RSF1: variants seen among roughly 807,000 people sequenced by gnomAD.
RSF1 encodes the protein remodeling and spacing factor 1.
RSF1 carries 13 observed loss-of-function variants against 145.2 expected under a neutral mutation model. That is an observed-to-expected ratio of 0.09 (90% confidence interval 0.06 to 0.14). The LOEUF (loss-of-function observed/expected upper bound fraction) is 0.14, where lower values mean the gene tolerates loss of function less well. Ranked by LOEUF, RSF1 falls within the 10% of genes least tolerant of loss-of-function variation. The pLI, the probability that RSF1 is intolerant of heterozygous loss-of-function variation, is 1.00. For synonymous variants in RSF1, 577 were observed against 592.6 expected (o/e 0.97, Z 0.38); for missense variants, 1,517 against 1,718.2 (o/e 0.88, Z 2.07).
chr11:77,864,767 C>T, the RSF1 span, among the ~76,000 whole-genome samples: 1 of 152,152 alleles, frequency 6.6e-6, no homozygotes, highest in South Asian at 2.1e-4. Flanking sequence ...TTGTTTGAGC[C>T]TAGGAGTTCA....
chr11:77,765,527 T>C (rs942194432), intron 1 of RSF1, among the ~76,000 whole-genome samples: 3 of 152,186 alleles, frequency 2.0e-5, no homozygotes, highest in African/African-American at 7.2e-5. Flanking sequence ...GACAACTTCC[T>C]CTCCTGATTC....
chr11:77,698,837 T>C (rs975179674), intron 6 of RSF1, 144 bp from the exon 7 acceptor site: 23 of 669,996 alleles, frequency 3.4e-5, no homozygotes, highest in Admixed American at 1.8e-4. Flanking sequence ...TCATCAGATA[T>C]AGCTATGGTT....
At position 77,672,195 on chromosome 11, in the gene RSF1, CAAAATCATCACT is replaced by C. The variant is rs750556144; in HGVS notation, c.3586_3597del (p.Ser1196_Phe1199del). 445 of 1,609,282 alleles carry C rather than the reference CAAAATCATCACT, an allele frequency of 2.8e-4. 1 individual carries two copies. The highest frequency in any genetic ancestry group is 1.7e-4 in the Middle Eastern group (1 of 6,044). On this transcript the variant is annotated inframe_deletion, in exon 15 of 16. Coordinates refer to ENST00000308488, the MANE Select transcript of RSF1 (RefSeq NM_016578.4). Reference sequence around the variant, plus strand: ...CTTGACCGCCTTCGCCGAGTTTCTACAAAATCATCACTAAAATCATCACTGAAGTCACTTTCT... The same window carrying C: ...CTTGACCGCCTTCGCCGAGTTTCTACAAAATCATCACTGAAGTCACTTTCT...
intron 4 of RSF1, among the ~76,000 whole-genome samples, chr11:77,734,281 T>C (rs531062559): frequency 1.4e-5 from 2 of 147,502 alleles, no homozygotes; most frequent in South Asian, 2.1e-4. Context: ...CTAATACATA[T>C]ATTTATATTA....
At chr11:77,687,699 C>T (rs1292871373) in intron 9 of RSF1, among the ~76,000 whole-genome samples, 1 of 151,260 alleles carries the variant, frequency 6.6e-6, no homozygotes, top group African/African-American at 2.4e-5. Context: ...GACTCTGTCT[C>T]CAAAAAATAA....
chr11:77,796,526 T>C (rs910743225), intron 1 of RSF1, among the ~76,000 whole-genome samples: 2 of 152,106 alleles, frequency 1.3e-5, no homozygotes, highest in Non-Finnish European at 2.9e-5. Context: ...ATAATAGCTA[T>C]TTATGACAAA....
At chr11:77,852,224 C>CAAAAAAAAAAAAAAAA in the RSF1 span, among the ~76,000 whole-genome samples, 686 of 33,316 alleles carry the variant, frequency 0.021, 79 homozygotes, top group Non-Finnish European at 0.022. Context: ...GACACTGTCT[C>CAAAAAAAAAAAAAAAA]AAAAAAAAAA....
At chr11:77,818,278 A>T (rs1420509392) in intron 1 of RSF1, among the ~76,000 whole-genome samples, 1 of 152,200 alleles carries the variant, frequency 6.6e-6, no homozygotes, top group Non-Finnish European at 1.5e-5. Flanking sequence ...ATGTAGATTC[A>T]AGCAATCTCA....
At chr11:77,740,623 C>T (rs1020577357) in intron 4 of RSF1, 108 bp downstream of exon 4, 1 of 972,268 alleles carries the variant, frequency 1.0e-6, no homozygotes, top group Non-Finnish European at 1.6e-6. Flanking sequence ...ACTCCCAAAA[C>T]TCACACACAA....
the RSF1 span, among the ~76,000 whole-genome samples, chr11:77,832,196 C>T: frequency 1.3e-5 from 2 of 152,024 alleles, no homozygotes; most frequent in African/African-American, 4.8e-5. Context: ...ACTGTACTTA[C>T]AATTATAGGT....
intron 6 of RSF1, among the ~76,000 whole-genome samples, chr11:77,699,525 T>C (rs1405238039): frequency 1.3e-5 from 2 of 152,210 alleles, no homozygotes; most frequent in Non-Finnish European, 1.5e-5. Context: ...CTTTTGATTA[T>C]GATAAATTCC....
intron 1 of RSF1, among the ~76,000 whole-genome samples, chr11:77,781,489 C>T (rs1217632492): frequency 6.6e-6 from 1 of 152,190 alleles, no homozygotes; most frequent in African/African-American, 2.4e-5. Context: ...CTTGAGTAGA[C>T]AGCAGTGGAG....
intron 1 of RSF1, among the ~76,000 whole-genome samples, chr11:77,774,424 TA>T (rs1948319219): frequency 6.7e-6 from 1 of 149,922 alleles, no homozygotes; most frequent in South Asian, 2.1e-4. Flanking sequence ...ATACAAAAAT[TA>T]GCCAGGCATG....
At chr11:77,688,503 A>G (rs1414354760) in intron 9 of RSF1, among the ~76,000 whole-genome samples, 3 of 152,244 alleles carry the variant, frequency 2.0e-5, no homozygotes. Context: ...TTGCAGTGTC[A>G]AAAATAAAAA....
intron 11 of RSF1, among the ~76,000 whole-genome samples, chr11:77,679,335 C>T (rs1200854078): frequency 6.6e-6 from 1 of 152,154 alleles, no homozygotes; most frequent in Non-Finnish European, 1.5e-5. Flanking sequence ...AATCACATGG[C>T]AAAGTAAGTA....
intron 4 of RSF1, among the ~76,000 whole-genome samples, chr11:77,738,527 G>T (rs1961423217): frequency 6.6e-6 from 1 of 152,122 alleles, no homozygotes; most frequent in South Asian, 2.1e-4. Context: ...ATCCATGAGG[G>T]TCTGGAACCA....
chr11:77,732,453 G>A (rs1388370936), intron 4 of RSF1, among the ~76,000 whole-genome samples: 2 of 152,126 alleles, frequency 1.3e-5, no homozygotes, highest in East Asian at 1.9e-4. Flanking sequence ...AGGCATGATT[G>A]GTTTTGAACT....
At chr11:77,759,852 T>TG (rs34902589) in intron 2 of RSF1, among the ~76,000 whole-genome samples, 1,936 of 59,900 alleles carry the variant, frequency 0.032, 15 homozygotes, top group Admixed American at 0.041. Flanking sequence ...TGGTGATGCA[T>TG]GTTAAAAAAA....
chr11:77,853,125 T>G, the RSF1 span, among the ~76,000 whole-genome samples: 6 of 152,370 alleles, frequency 3.9e-5, no homozygotes, highest in East Asian at 3.9e-4. Context: ...TTCCCCTTTT[T>G]GGGGGTTGTA....
Sources: gnomAD v4.1 joint callset for allele counts (sites outside exome capture counted in the v4.1 genomes callset) on GRCh38, gnomAD v4.1.1 for gene constraint, MANE v1.5 for transcripts, NCBI Gene and HGNC (gene_info 2026-07-23, HGNC 2026-07-21) for gene names.